CA8: variants seen among roughly 807,000 people sequenced by gnomAD.
CA8 encodes carbonic anhydrase-related protein.
In CA8, 22 loss-of-function variants were observed where a neutral mutation model predicts 41.4. The ratio of observed to expected loss-of-function variants is 0.53; its 90% CI spans 0.38 to 0.76. CA8 has a LOEUF of 0.76. CA8 is among the 30% of genes least tolerant of loss of function. The pLI, the probability that CA8 is intolerant of heterozygous loss-of-function variation, is 0.00. For missense variants in CA8, 270 were observed against 352.8 expected, an observed-to-expected ratio of 0.77 and a Z score of 1.88; for synonymous variants, 121 against 130.6, an observed-to-expected ratio of 0.93 and a Z score of 0.50.
At chr8:60,190,784 T>C (rs1488341067) in intron 8 of CA8, among the ~76,000 whole-genome samples, 1 of 150,416 alleles carries the variant, frequency 6.6e-6, no homozygotes, top group Non-Finnish European at 1.5e-5. Flanking sequence ...ACAAACTAAA[T>C]GGCCTCCTTC....
chr8:60,204,419 A>T (rs2130407330), intron 8 of CA8, among the ~76,000 whole-genome samples: 1 of 152,356 alleles, frequency 6.6e-6, no homozygotes, highest in East Asian at 1.9e-4. Flanking sequence ...GTGGGAGGAA[A>T]AAATCATTCT....
chr8:60,199,609 T>C (rs1323895947), intron 8 of CA8, among the ~76,000 whole-genome samples: 1 of 152,156 alleles, frequency 6.6e-6, no homozygotes, highest in Admixed American at 6.6e-5. Context: ...ACAATTAATT[T>C]ATTACCTGGT....
intron 4 of CA8, among the ~76,000 whole-genome samples, chr8:60,228,197 C>T (rs575824502): frequency 1.0e-3 from 152 of 152,276 alleles, no homozygotes; most frequent in African/African-American, 3.4e-3. Context: ...ACAATCAAGA[C>T]GTGAACTACT....
rs767113304 is a variant in CA8 at position 60,208,833 on chromosome 8, C to A, written c.825G>T (p.Arg275=). ...CTCTGTCACTAAGAGGCTGAGTGGG[C>A]CGAAAGTTGTCTCCCAAAATCCCAT... is the stretch of plus-strand genomic sequence containing the variant. The part of the protein sequence containing the change: ...GCDGILGDNF[R]PTQPLSDRVI... Residue 275 remains arginine (R), a synonymous_variant, in exon 8 of 9, where the codon CGG becomes CGT. Coordinates refer to ENST00000317995, the MANE Select transcript of CA8 (RefSeq NM_004056.6). The A allele has an allele frequency of 1.4e-5, 22 of 1,614,008 alleles. No individual in the cohort carries two copies. Among genetic ancestry groups the A allele is most frequent in the Non-Finnish European group, 1.9e-5 (22 of 1,180,016 alleles).
chr8:60,241,206 A>T (rs1808016874), intron 3 of CA8, among the ~76,000 whole-genome samples: 1 of 152,246 alleles, frequency 6.6e-6, no homozygotes, highest in Admixed American at 6.5e-5. Flanking sequence ...TTCAAGGTGT[A>T]GACAGATATA....
At position 60,231,160 on chromosome 8, in the gene CA8, A is replaced by C. The variant is rs1038678071; in HGVS notation, c.513+1124T>G. On this transcript the variant is annotated intron_variant, in intron 4 of 8. Transcript: ENST00000317995. The stretch of plus-strand genomic sequence containing the variant: ...CAAAATATATTTGTATAATGAAAAC[A>C]TTTTTCATTAATATTTTGTGATTTC... 3.9e-5 allele frequency among the ~76,000 whole-genome samples: 6 copies of C among 152,166 alleles called. 1 individual carries two copies. The highest frequency in any genetic ancestry group is 1.4e-4 in the African/African-American group (6 of 41,452).
At chr8:60,267,552 T>C (rs571527329) in intron 2 of CA8, among the ~76,000 whole-genome samples, 137 of 152,228 alleles carry the variant, frequency 9.0e-4, no homozygotes, top group Non-Finnish European at 1.4e-3. Context: ...AAGGGGATAG[T>C]CTCATCATCA....
intron 2 of CA8, among the ~76,000 whole-genome samples, chr8:60,267,508 ATGCT>A (rs965375062): frequency 6.6e-6 from 1 of 152,208 alleles, no homozygotes; most frequent in African/African-American, 2.4e-5. Flanking sequence ...GTTTGTCCTC[ATGCT>A]TGGTCTGATT....
intron 3 of CA8, among the ~76,000 whole-genome samples, chr8:60,260,639 T>C (rs1467145813): frequency 6.6e-6 from 1 of 152,252 alleles, no homozygotes; most frequent in Admixed American, 6.5e-5. Context: ...TAAATGATCC[T>C]GTGCAATTTG....
chr8:60,280,795 G>T (rs1439944145), intron 1 of CA8, among the ~76,000 whole-genome samples: 1 of 152,228 alleles, frequency 6.6e-6, no homozygotes, highest in Non-Finnish European at 1.5e-5. Flanking sequence ...CAGCAGGTGC[G>T]AACGCCAGCC....
At chr8:60,195,263 T>C (rs1258494162) in intron 8 of CA8, among the ~76,000 whole-genome samples, 1 of 152,250 alleles carries the variant, frequency 6.6e-6, no homozygotes. Flanking sequence ...TTATAGCAGA[T>C]GCCATCTTTC....
At chr8:60,210,610 T>C (rs992211661) in intron 7 of CA8, among the ~76,000 whole-genome samples, 8 of 151,656 alleles carry the variant, frequency 5.3e-5, no homozygotes, top group Admixed American at 2.6e-4. Flanking sequence ...CAGCTTCTTT[T>C]CTGTGGGTTT....
chr8:60,273,450 G>A (rs1353818629), intron 2 of CA8, among the ~76,000 whole-genome samples: 2 of 152,206 alleles, frequency 1.3e-5, no homozygotes, highest in Non-Finnish European at 2.9e-5. Flanking sequence ...ATGCCACTCA[G>A]AGAGCCTATC....
In CA8 at chr8:60,236,638, T is replaced by A. The variant is rs77439946; in HGVS notation, c.418-4259A>T. Reference sequence around the variant, plus strand: ...ACATGATCCCTTTGGGGAGGGGGGATGAAGTGACAAAACAATCCTCTGATG... The same window carrying A: ...ACATGATCCCTTTGGGGAGGGGGGAAGAAGTGACAAAACAATCCTCTGATG... On this transcript the variant is annotated intron_variant, in intron 3 of 8. Coordinates refer to ENST00000317995, the MANE Select transcript of CA8 (RefSeq NM_004056.6). Among the ~76,000 whole-genome samples, 402 of 152,292 alleles carry A rather than the reference T, an allele frequency of 2.6e-3. 5 individuals carry two copies. Among genetic ancestry groups the A allele is most frequent in the Admixed American group, 0.016 (240 of 15,288 alleles).
At chr8:60,263,352 G>A (rs1803795773) in intron 3 of CA8, among the ~76,000 whole-genome samples, 1 of 150,822 alleles carries the variant, frequency 6.6e-6, no homozygotes, top group East Asian at 1.9e-4. Context: ...TAATTCCTGT[G>A]TGTTCCATGT....
At chr8:60,191,747 C>T (rs566582241) in intron 8 of CA8, among the ~76,000 whole-genome samples, 21 of 152,190 alleles carry the variant, frequency 1.4e-4, no homozygotes, top group African/African-American at 3.4e-4. Context: ...ATATATCCAG[C>T]CTTCTAAATA....
rs900913562 is a variant in CA8, at chr8:60,281,321, C to T, written c.-174G>A. 7 of 607,038 alleles carry T rather than the reference C, an allele frequency of 1.2e-5. No individual in the cohort carries two copies. The highest frequency in any genetic ancestry group is 1.5e-5 in the Non-Finnish European group (5 of 341,136). The allele number at this position is 607,038 out of a possible 1,614,324, so 37.6% of individuals were successfully genotyped here. ...CGCAGTGTGAGTGCAAGCAGGCGTG[C>T]GTTCGGACCGAGTGTTCCAGAGACC... On this transcript the variant is annotated 5_prime_UTR_variant, in exon 1 of 9. Coordinates refer to ENST00000317995, the MANE Select transcript of CA8 (RefSeq NM_004056.6).
At chr8:60,233,741 A>G (rs759555616) in intron 3 of CA8, among the ~76,000 whole-genome samples, 1 of 152,224 alleles carries the variant, frequency 6.6e-6, no homozygotes, top group African/African-American at 2.4e-5. Context: ...TATTCCACAA[A>G]TTACAAAATT....
At chr8:60,239,231 G>A (rs1807934560) in intron 3 of CA8, among the ~76,000 whole-genome samples, 1 of 152,098 alleles carries the variant, frequency 6.6e-6, no homozygotes, top group South Asian at 2.1e-4. Flanking sequence ...AGCCTCCAGG[G>A]GAGCTGGAAT....
Sources: allele counts gnomAD v4.1 joint callset (sites outside exome capture counted in the v4.1 genomes callset), GRCh38; gene constraint gnomAD v4.1.1; transcripts MANE v1.5; gene names NCBI Gene and HGNC (gene_info 2026-07-23, HGNC 2026-07-21).